Variants in ZBTB20 observed in about 807,000 individuals in gnomAD.
ZBTB20 encodes the protein zinc finger and BTB domain-containing protein 20.
In ZBTB20, 9 loss-of-function variants were observed where a neutral mutation model predicts 56.9. The observed-to-expected ratio is 0.16, with a 90% CI of 0.10 to 0.28. The LOEUF (loss-of-function observed/expected upper bound fraction) is 0.28, where lower values mean the gene tolerates loss of function less well. ZBTB20 is among the 10% of genes least tolerant of loss of function. The probability of loss-of-function intolerance (pLI) is 1.00; values close to 1 mark genes in which losing one functional copy is unlikely to be tolerated. For synonymous variants in ZBTB20, 417 were observed against 420.7 expected, an observed-to-expected ratio of 0.99 and a Z score of 0.11; for missense variants, 655 against 1,003.0, an observed-to-expected ratio of 0.65 and a Z score of 4.69.
chr3:114,555,754 T>C (rs1037090129), intron 6 of ZBTB20, among the ~76,000 whole-genome samples: 1 of 152,096 alleles, frequency 6.6e-6, no homozygotes, highest in Non-Finnish European at 1.5e-5. Context: ...CAGTTTTCAG[T>C]TGGGCTGGTA....
chr3:114,876,891 G>C (rs593366), intron 4 of ZBTB20, among the ~76,000 whole-genome samples: 131,880 of 152,150 alleles, frequency 0.87, 58,185 homozygotes, highest in East Asian at 0.99. Flanking sequence ...TTTATCTCAT[G>C]CTTCCATAGT....
intron 7 of ZBTB20, among the ~76,000 whole-genome samples, chr3:114,447,548 C>T (rs2091343686): frequency 6.6e-6 from 1 of 152,156 alleles, no homozygotes; most frequent in South Asian, 2.1e-4. Flanking sequence ...CTAGTGCTCC[C>T]CTGCACTGTT....
rs1560074640 is a variant in ZBTB20, at chr3:114,331,139, A to ATGTGTGTGTGTG, written c.*7865_*7866insCACACACACACA. 1 of 93,404 alleles carries ATGTGTGTGTGTG rather than the reference A, an allele frequency of 1.1e-5. No homozygotes were observed. 5.8% of individuals were successfully genotyped at this position (93,404 alleles called of 1,614,324 possible). A position where few individuals can be genotyped will look rare whatever the true frequency, so the allele number is the denominator to read the frequency against. ...TGTGTGTGTGTGTGTGTGTGTGTGC[A>ATGTGTGTGTGTG]CACTGCATTGCATAGAGGAAAGGAA... On this transcript the variant is annotated 3_prime_UTR_variant, in exon 12 of 12. Transcript: ENST00000675478.
chr3:114,935,127 G>A (rs2076490941), intron 3 of ZBTB20, among the ~76,000 whole-genome samples: 1 of 152,160 alleles, frequency 6.6e-6, no homozygotes, highest in African/African-American at 2.4e-5. Context: ...CCTAGAATTT[G>A]TTCTTAATAG....
At chr3:114,924,769 T>C (rs1298339960) in intron 3 of ZBTB20, among the ~76,000 whole-genome samples, 1 of 152,116 alleles carries the variant, frequency 6.6e-6, no homozygotes, top group African/African-American at 2.4e-5. Flanking sequence ...AAATAAAAAA[T>C]AAATAAAATT....
chr3:115,057,185 T>C (rs1387196599), intron 2 of ZBTB20, among the ~76,000 whole-genome samples: 1 of 152,134 alleles, frequency 6.6e-6, no homozygotes, highest in African/African-American at 2.4e-5. Context: ...ATTTTTGTCA[T>C]TGCATTTATT....
intron 3 of ZBTB20, among the ~76,000 whole-genome samples, chr3:114,973,512 G>T (rs949890450): frequency 6.6e-6 from 1 of 152,098 alleles, no homozygotes; most frequent in African/African-American, 2.4e-5. Context: ...TTGACATTCA[G>T]GTGAAAGTAC....
At chr3:114,885,815 CA>C (rs1334523242) in intron 4 of ZBTB20, among the ~76,000 whole-genome samples, 1 of 151,940 alleles carries the variant, frequency 6.6e-6, no homozygotes, top group African/African-American at 2.4e-5. Context: ...ATATTTTATC[CA>C]GAACAGAAGT....
At chr3:114,716,267 T>C (rs2064474299) in intron 5 of ZBTB20, among the ~76,000 whole-genome samples, 1 of 152,172 alleles carries the variant, frequency 6.6e-6, no homozygotes, top group African/African-American at 2.4e-5. Flanking sequence ...ATTTCCCTAA[T>C]GGCAGCCGAT....
intron 4 of ZBTB20, among the ~76,000 whole-genome samples, chr3:114,863,954 CG>C (rs1024910830): frequency 2.0e-5 from 3 of 151,918 alleles, no homozygotes; most frequent in Non-Finnish European, 4.4e-5. Context: ...GAAACTGAAA[CG>C]TATCTTTTAG....
chr3:114,556,467 T>A (rs927150560), intron 6 of ZBTB20, among the ~76,000 whole-genome samples: 1 of 149,700 alleles, frequency 6.7e-6, no homozygotes, highest in African/African-American at 2.6e-5. Context: ...GTAGCATCCA[T>A]ATGAAGTCAC....
intron 2 of ZBTB20, among the ~76,000 whole-genome samples, chr3:115,001,100 A>C (rs1330826014): frequency 4.6e-5 from 7 of 151,306 alleles, no homozygotes; most frequent in East Asian, 2.0e-4. Context: ...AAAAAAAAAA[A>C]AAACAAATTT....
chr3:114,884,999 A>G (rs1371899795), intron 4 of ZBTB20, among the ~76,000 whole-genome samples: 1 of 152,204 alleles, frequency 6.6e-6, no homozygotes, highest in Admixed American at 6.5e-5. Context: ...CTGCTTTCAG[A>G]AATAACAAAA....
At chr3:114,650,717 C>G (rs1160168967) in intron 6 of ZBTB20, among the ~76,000 whole-genome samples, 1 of 151,866 alleles carries the variant, frequency 6.6e-6, no homozygotes, top group Non-Finnish European at 1.5e-5. Context: ...TCCTGAATAT[C>G]TTAAAGCTGT....
chr3:114,787,370 C>CACATACACAT (rs1367544699), intron 5 of ZBTB20, among the ~76,000 whole-genome samples: 1 of 114,436 alleles, frequency 8.7e-6, no homozygotes, highest in Non-Finnish European at 1.7e-5. Context: ...TATATATATA[C>CACATACACAT]ACACACACAC....
chr3:114,660,912 G>A (rs2060685583), intron 6 of ZBTB20, among the ~76,000 whole-genome samples: 1 of 152,026 alleles, frequency 6.6e-6, no homozygotes, highest in South Asian at 2.1e-4. Flanking sequence ...GACAGCAAGT[G>A]AGAGAGAGAA....
At chr3:114,446,210 T>A (rs1424114799) in intron 7 of ZBTB20, among the ~76,000 whole-genome samples, 1 of 152,124 alleles carries the variant, frequency 6.6e-6, no homozygotes, top group South Asian at 2.1e-4. Context: ...ATAAAATATA[T>A]AGTTGTTTAT....
rs182434068 is a variant in ZBTB20 at position 114,815,610 on chromosome 3, A to C, written c.-416-14436T>G. On this transcript the variant is annotated intron_variant, in intron 4 of 11. Transcript: ENST00000675478. ...TTAATTTAGTAATTGATCAAGTACT[A>C]TCATATTTAATAGCCCTGCAATTGA... Among the ~76,000 whole-genome samples, 520 of 152,332 alleles carry C rather than the reference A, an allele frequency of 3.4e-3. 1 individual carries two copies. The highest frequency in any genetic ancestry group is 0.012 in the African/African-American group (496 of 41,574).
chr3:114,827,016 T>C (rs1048573947), intron 4 of ZBTB20, among the ~76,000 whole-genome samples: 2 of 151,710 alleles, frequency 1.3e-5, no homozygotes, highest in Non-Finnish European at 1.5e-5. Context: ...TTTTTTTCCC[T>C]AAAGTGGGAG....
Sources: gnomAD v4.1 joint callset for allele counts (sites outside exome capture counted in the v4.1 genomes callset) on GRCh38, gnomAD v4.1.1 for gene constraint, MANE v1.5 for transcripts, NCBI Gene and HGNC (gene_info 2026-07-23, HGNC 2026-07-21) for gene names.